PLPP4: variants seen among roughly 807,000 people sequenced by gnomAD.
PLPP4 encodes phospholipid phosphatase 4.
PLPP4 carries 20 observed loss-of-function variants against 32.2 expected under a neutral mutation model. The ratio of observed to expected loss-of-function variants is 0.62; its 90% CI spans 0.44 to 0.90. PLPP4 has a LOEUF of 0.90. Among genes scored for constraint, PLPP4 ranks in the 40% least tolerant of loss-of-function variants. The probability of loss-of-function intolerance (pLI) is 0.00; values close to 1 mark genes in which losing one functional copy is unlikely to be tolerated. For synonymous variants in PLPP4, 127 were observed against 133.0 expected (o/e 0.95, Z 0.31); for missense variants, 257 against 353.1 (o/e 0.73, Z 2.18).
chr10:120,553,435 G>C (rs781418028), intron 5 of PLPP4, among the ~76,000 whole-genome samples: 5 of 152,150 alleles, frequency 3.3e-5, no homozygotes, highest in Admixed American at 3.3e-4. Context: ...TACCACCTTT[G>C]AACCAGGAAA....
At chr10:120,587,986 A>T (rs1849838671) in intron 6 of PLPP4, among the ~76,000 whole-genome samples, 2 of 152,220 alleles carry the variant, frequency 1.3e-5, no homozygotes, top group South Asian at 2.1e-4. Flanking sequence ...TCATGTGGTT[A>T]TCAAGCCTGG....
intron 5 of PLPP4, among the ~76,000 whole-genome samples, chr10:120,532,635 C>G (rs748340626): frequency 3.3e-5 from 5 of 152,108 alleles, no homozygotes; most frequent in Admixed American, 6.6e-5. Flanking sequence ...CTCTCCCCAC[C>G]CTTCTCTATC....
At chr10:120,490,895 T>C (rs1844689999) in intron 1 of PLPP4, among the ~76,000 whole-genome samples, 1 of 152,242 alleles carries the variant, frequency 6.6e-6, no homozygotes, top group Admixed American at 6.5e-5. Flanking sequence ...TGTGTTTTAA[T>C]GAAAATGGCA....
intron 5 of PLPP4, among the ~76,000 whole-genome samples, chr10:120,525,617 CA>C (rs758352058): frequency 3.3e-5 from 5 of 152,176 alleles, no homozygotes; most frequent in Non-Finnish European, 7.4e-5. Context: ...GAATTCCAAT[CA>C]GGGGACAGGG....
intron 5 of PLPP4, among the ~76,000 whole-genome samples, chr10:120,565,467 C>T (rs1290029928): frequency 6.6e-6 from 1 of 151,982 alleles, no homozygotes; most frequent in Non-Finnish European, 1.5e-5. Context: ...CTCTTTCTTT[C>T]TGAACTTTGA....
At chr10:120,535,510 G>C (rs1483466526) in intron 5 of PLPP4, among the ~76,000 whole-genome samples, 1 of 151,890 alleles carries the variant, frequency 6.6e-6, no homozygotes, top group Non-Finnish European at 1.5e-5. Context: ...TTTTTTGTGT[G>C]TGTGTCTTAT....
intron 5 of PLPP4, among the ~76,000 whole-genome samples, chr10:120,562,203 A>G (rs1320453766): frequency 6.6e-6 from 1 of 152,092 alleles, no homozygotes; most frequent in African/African-American, 2.4e-5. Flanking sequence ...GCTATTATAA[A>G]TTTTATTTTT....
At chr10:120,527,043 G>A (rs1363701840) in intron 5 of PLPP4, among the ~76,000 whole-genome samples, 1 of 152,156 alleles carries the variant, frequency 6.6e-6, no homozygotes, top group African/African-American at 2.4e-5. Context: ...GTATTAGTGA[G>A]GGCTCTCTGG....
intron 1 of PLPP4, among the ~76,000 whole-genome samples, chr10:120,470,665 C>T (rs151041849): frequency 6.6e-6 from 1 of 152,256 alleles, no homozygotes; most frequent in Non-Finnish European, 1.5e-5. Context: ...TATGGGATTG[C>T]AACTAAATTC....
chr10:120,540,591 A>G (rs766115495), intron 5 of PLPP4, among the ~76,000 whole-genome samples: 1 of 152,184 alleles, frequency 6.6e-6, no homozygotes, highest in Non-Finnish European at 1.5e-5. Flanking sequence ...GTACAGGGCA[A>G]AGTGAGAAGA....
intron 1 of PLPP4, among the ~76,000 whole-genome samples, chr10:120,463,229 T>C (rs562886651): frequency 9.2e-5 from 14 of 152,240 alleles, no homozygotes; most frequent in African/African-American, 3.1e-4. Context: ...AGTTTCACCA[T>C]GTTAGCCAGG....
chr10:120,585,774 G>C (rs1009001096), intron 6 of PLPP4, among the ~76,000 whole-genome samples: 2 of 152,152 alleles, frequency 1.3e-5, no homozygotes, highest in Non-Finnish European at 2.9e-5. Context: ...AGCCCCAGGA[G>C]CCTCCAAATG....
chr10:120,513,108 A>G (rs1340992832), intron 2 of PLPP4, among the ~76,000 whole-genome samples: 1 of 152,212 alleles, frequency 6.6e-6, no homozygotes. Context: ...AAAACAATTT[A>G]CTAATTACGG....
intron 6 of PLPP4, among the ~76,000 whole-genome samples, chr10:120,585,876 C>A (rs1187256099): frequency 6.6e-6 from 1 of 152,148 alleles, no homozygotes; most frequent in Admixed American, 6.5e-5. Flanking sequence ...GTCCTCCAAT[C>A]CCCCCGCTAC....
At chr10:120,481,707 A>G (rs540346708) in intron 1 of PLPP4, among the ~76,000 whole-genome samples, 1 of 152,300 alleles carries the variant, frequency 6.6e-6, no homozygotes, top group South Asian at 2.1e-4. Context: ...GGAGCTGATA[A>G]CTGAAGCTTG....
At chr10:120,503,759 G>A in intron 1 of PLPP4, 59 bp from the exon 2 acceptor site, 1 of 1,592,312 alleles carries the variant, frequency 6.3e-7, no homozygotes, top group Non-Finnish European at 8.6e-7. Context: ...GGCCTCCTTG[G>A]GAACTTCCCA....
intron 5 of PLPP4, among the ~76,000 whole-genome samples, chr10:120,566,543 CTTTTTT>C (rs35692314): frequency 7.1e-6 from 1 of 141,038 alleles, no homozygotes; most frequent in Non-Finnish European, 1.5e-5. Context: ...CCTACTTATT[CTTTTTT>C]TTTTTTTTTG....
intron 6 of PLPP4, among the ~76,000 whole-genome samples, chr10:120,587,012 A>G (rs1042059367): frequency 6.6e-6 from 1 of 152,180 alleles, no homozygotes; most frequent in Non-Finnish European, 1.5e-5. Context: ...ATGACTAGAA[A>G]TGATATCGAG....
intron 5 of PLPP4, among the ~76,000 whole-genome samples, chr10:120,542,127 G>A (rs894093994): frequency 6.6e-6 from 1 of 152,180 alleles, no homozygotes; most frequent in Non-Finnish European, 1.5e-5. Context: ...TTGCCTGCTA[G>A]CCTCCAGCTT....
Sources: allele counts gnomAD v4.1 joint callset (sites outside exome capture counted in the v4.1 genomes callset), GRCh38; gene constraint gnomAD v4.1.1; transcripts MANE v1.5; gene names NCBI Gene and HGNC (gene_info 2026-07-23, HGNC 2026-07-21).